COMMD10: variants seen among roughly 807,000 people sequenced by gnomAD.
The protein encoded by COMMD10 is COMM domain containing 10.
In COMMD10, 33 loss-of-function variants were observed where a neutral mutation model predicts 28.9. The observed-to-expected ratio is 1.14, with a 90% CI of 0.87 to 1.53. The LOEUF (loss-of-function observed/expected upper bound fraction) is 1.53. COMMD10 is among the 40% of genes most tolerant of loss of function. The probability of loss-of-function intolerance (pLI) is 0.00; values close to 1 mark genes in which losing one functional copy is unlikely to be tolerated. For missense variants in COMMD10, 310 were observed against 233.4 expected, an observed-to-expected ratio of 1.33 and a Z score of -2.14; for synonymous variants, 110 against 81.7, an observed-to-expected ratio of 1.35 and a Z score of -1.87.
chr5:116,268,531 A>G (rs557229119), intron 5 of COMMD10, among the ~76,000 whole-genome samples: 56 of 152,102 alleles, frequency 3.7e-4, no homozygotes, highest in Non-Finnish European at 6.6e-4. Context: ...ACCATTGTGG[A>G]AGACAGTGTG....
Position 116,085,093 on chromosome 5 carries a change from G to C in COMMD10, c.41G>C (p.Ser14Thr), listed in dbSNP as rs770804923. ...PAALILRESP[S>T]MKKAVSLINA... ...GCGCTGATCCTACGGGAGAGCCCCA[G>C]GTAGCTGATCCGTTAAGCTCTTGCG... Residue 14 changes from serine to threonine, a missense_variant and splice_region_variant, in exon 1 of 7, where the codon AGC becomes ACC. Ser to Thr is a moderately conservative substitution (Grantham distance 58, BLOSUM62 1). Transcript: ENST00000274458. 1.2e-6 allele frequency: 2 copies of C among 1,609,980 alleles called. No individual in the cohort carries two copies. Among genetic ancestry groups the C allele is most frequent in the Middle Eastern group, 1.7e-4 (1 of 5,862 alleles).
intron 5 of COMMD10, among the ~76,000 whole-genome samples, chr5:116,159,867 G>A (rs774417765): frequency 6.6e-6 from 1 of 152,112 alleles, no homozygotes; most frequent in Non-Finnish European, 1.5e-5. Flanking sequence ...TAAATGTATT[G>A]CCTGGAAAAA....
At chr5:116,160,006 G>A (rs1479284865) in intron 5 of COMMD10, among the ~76,000 whole-genome samples, 1 of 152,156 alleles carries the variant, frequency 6.6e-6, no homozygotes, top group African/African-American at 2.4e-5. Context: ...CCAGGAATTG[G>A]AGGCAGTAAA....
chr5:116,195,616 C>A (rs1225601176), intron 5 of COMMD10, among the ~76,000 whole-genome samples: 1 of 151,920 alleles, frequency 6.6e-6, no homozygotes, highest in Non-Finnish European at 1.5e-5. Flanking sequence ...GAGTCAAAGA[C>A]CTCTACAAGA....
At position 116,273,688 on chromosome 5, in the gene COMMD10, C is replaced by G. The variant is rs886861364; in HGVS notation, c.511-17829C>G. On this transcript the variant is annotated intron_variant, in intron 5 of 6. Transcript: ENST00000274458. The stretch of plus-strand genomic sequence containing the variant: ...TCATTTCAGGCAAAGACCAATATAG[C>G]AAGCAAAAGCTGAACAGTCCAGTTG... 2.4e-4 allele frequency among the ~76,000 whole-genome samples: 37 copies of G among 151,784 alleles called. 1 individual carries two copies. Among genetic ancestry groups the G allele is most frequent in the African/African-American group, 6.3e-4 (26 of 41,238 alleles).
intron 4 of COMMD10, among the ~76,000 whole-genome samples, chr5:116,124,200 G>T (rs1230371715): frequency 6.6e-6 from 1 of 152,054 alleles, no homozygotes. Context: ...TCTCTTGTGG[G>T]CATTTAGTGC....
chr5:116,275,824 C>A (rs190380266), intron 5 of COMMD10, among the ~76,000 whole-genome samples: 45 of 151,576 alleles, frequency 3.0e-4, no homozygotes, highest in Non-Finnish European at 2.5e-4. Flanking sequence ...CTGCTAATGG[C>A]CAGATTTGCT....
At chr5:116,268,951 G>A (rs1750681134) in intron 5 of COMMD10, among the ~76,000 whole-genome samples, 1 of 151,436 alleles carries the variant, frequency 6.6e-6, no homozygotes, top group African/African-American at 2.4e-5. Flanking sequence ...CTGTTGTGGG[G>A]TGGGGGGAAG....
intron 5 of COMMD10, among the ~76,000 whole-genome samples, chr5:116,276,737 T>C (rs979802082): frequency 3.3e-5 from 5 of 151,760 alleles, no homozygotes; most frequent in Non-Finnish European, 7.4e-5. Flanking sequence ...AAATATTATA[T>C]TAAATGAATG....
At chr5:116,187,955 T>C (rs1369429181) in intron 5 of COMMD10, among the ~76,000 whole-genome samples, 4 of 152,166 alleles carry the variant, frequency 2.6e-5, no homozygotes, top group Admixed American at 6.5e-5. Context: ...TTTGGTAATA[T>C]AGGAACCAAG....
At chr5:116,126,838 G>T (rs1044677879) in intron 4 of COMMD10, among the ~76,000 whole-genome samples, 31 of 152,128 alleles carry the variant, frequency 2.0e-4, no homozygotes, top group Non-Finnish European at 3.4e-4. Flanking sequence ...GGAAACCTAG[G>T]CAATACCATT....
At chr5:116,099,909 A>G (rs1015325567) in intron 4 of COMMD10, among the ~76,000 whole-genome samples, 4 of 152,140 alleles carry the variant, frequency 2.6e-5, no homozygotes, top group African/African-American at 7.2e-5. Context: ...GCTTGGGACC[A>G]GAAGTGTTTT....
chr5:116,279,437 A>T (rs1751009743), intron 5 of COMMD10, among the ~76,000 whole-genome samples: 1 of 151,778 alleles, frequency 6.6e-6, no homozygotes, highest in South Asian at 2.1e-4. Flanking sequence ...CTTTTATCAA[A>T]CTTTGATGTA....
At chr5:116,281,215 T>C (rs903802828) in intron 5 of COMMD10, among the ~76,000 whole-genome samples, 4 of 151,724 alleles carry the variant, frequency 2.6e-5, no homozygotes, top group African/African-American at 4.9e-5. Flanking sequence ...TCTTGAAAAA[T>C]GTATATGTGT....
chr5:116,151,323 T>G (rs1752519382), intron 5 of COMMD10, among the ~76,000 whole-genome samples: 1 of 152,004 alleles, frequency 6.6e-6, no homozygotes, highest in Non-Finnish European at 1.5e-5. Flanking sequence ...AAATTCTCTT[T>G]TTTGGTTGTG....
At chr5:116,161,051 A>G (rs1179519284) in intron 5 of COMMD10, among the ~76,000 whole-genome samples, 1 of 152,128 alleles carries the variant, frequency 6.6e-6, no homozygotes, top group Non-Finnish European at 1.5e-5. Flanking sequence ...TTTCTTGGGA[A>G]ATAAAATATT....
At chr5:116,207,901 G>T (rs1050290311) in intron 5 of COMMD10, among the ~76,000 whole-genome samples, 2 of 152,126 alleles carry the variant, frequency 1.3e-5, no homozygotes, top group Non-Finnish European at 2.9e-5. Flanking sequence ...TTTAATGAGA[G>T]ACTACTATGG....
intron 4 of COMMD10, among the ~76,000 whole-genome samples, chr5:116,118,642 G>T (rs1292261811): frequency 6.6e-6 from 1 of 151,612 alleles, no homozygotes; most frequent in East Asian, 1.9e-4. Flanking sequence ...TTATTTTATG[G>T]CTCTTGAATT....
intron 5 of COMMD10, among the ~76,000 whole-genome samples, chr5:116,283,808 A>G (rs1751142543): frequency 2.6e-5 from 4 of 151,868 alleles, no homozygotes; most frequent in Admixed American, 2.6e-4. Context: ...TCCAGTTATT[A>G]TATTCCTTTG....
Sources: allele counts gnomAD v4.1 joint callset (sites outside exome capture counted in the v4.1 genomes callset), GRCh38; gene constraint gnomAD v4.1.1; transcripts MANE v1.5; gene names NCBI Gene and HGNC (gene_info 2026-07-23, HGNC 2026-07-21).